Variants in ZNF124 observed in about 807,000 individuals in gnomAD.
ZNF124 encodes the protein zinc finger protein HZF-16.
In ZNF124, 25 loss-of-function variants were observed where a neutral mutation model predicts 26.6. The observed-to-expected ratio is 0.94, with a 90% CI of 0.68 to 1.31. The LOEUF (loss-of-function observed/expected upper bound fraction) is 1.31. Among genes scored for constraint, ZNF124 ranks in the 40% most tolerant of loss-of-function variants. ZNF124 has a pLI of 0.00. For synonymous variants in ZNF124, 129 were observed against 133.3 expected (o/e 0.97, Z 0.22); for missense variants, 444 against 422.2 (o/e 1.05, Z -0.45).
At chr1:247,133,588 AC>A (rs1256064764) in intron 3 of ZNF124, among the ~76,000 whole-genome samples, 1 of 152,128 alleles carries the variant, frequency 6.6e-6, no homozygotes, top group Non-Finnish European at 1.5e-5. Flanking sequence ...CTAACGGTAG[AC>A]ATCTCAGCAG....
intron 3 of ZNF124, among the ~76,000 whole-genome samples, chr1:247,147,446 C>T (rs1236303915): frequency 1.3e-5 from 2 of 151,352 alleles, no homozygotes; most frequent in Admixed American, 6.6e-5. Flanking sequence ...AGGCTGGTCT[C>T]GAACTCCTGA....
At chr1:247,128,152 G>T (rs1355033119) in intron 3 of ZNF124, among the ~76,000 whole-genome samples, 1 of 152,200 alleles carries the variant, frequency 6.6e-6, no homozygotes, top group Non-Finnish European at 1.5e-5. Context: ...ACCAGATGCA[G>T]TATTGTAATT....
At chr1:247,158,586 C>CTT (rs950981965) in intron 3 of ZNF124, among the ~76,000 whole-genome samples, 7 of 151,712 alleles carry the variant, frequency 4.6e-5, no homozygotes, top group African/African-American at 9.7e-5. Context: ...TTGGTAAAAA[C>CTT]TTTGAGAATA....
chr1:247,128,559 G>A (rs1464350631), intron 3 of ZNF124, among the ~76,000 whole-genome samples: 1 of 149,960 alleles, frequency 6.7e-6, no homozygotes, highest in African/African-American at 2.5e-5. Flanking sequence ...GGGACCGAGA[G>A]GAGTCTCCTG....
At chr1:247,169,268 C>A (rs1673957367) in intron 1 of ZNF124, among the ~76,000 whole-genome samples, 1 of 152,110 alleles carries the variant, frequency 6.6e-6, no homozygotes, top group African/African-American at 2.4e-5. Flanking sequence ...GCAGGAGATT[C>A]CCTGGTCCCC....
At chr1:247,122,234 G>A (rs1396352553) in exon 4 of ZNF124, 1 of 152,182 alleles carries the variant, frequency 6.6e-6, no homozygotes, top group African/African-American at 2.4e-5. Flanking sequence ...CATACAATGT[G>A]TTAGTCATTA....
intron 3 of ZNF124, among the ~76,000 whole-genome samples, chr1:247,141,817 G>A (rs144966471): frequency 2.2e-4 from 34 of 152,348 alleles, no homozygotes; most frequent in Admixed American, 5.9e-4. Context: ...GAGACCACCT[G>A]CTGCCAGTTC....
rs550995743 is a variant in ZNF124 at position 247,124,208 on chromosome 1, CT to C, written c.219-338del. On this transcript the variant is annotated intron_variant, in intron 3 of 3. Coordinates refer to the ZNF124 transcript ENST00000472531. The stretch of plus-strand genomic sequence containing the variant: ...CCATTTAAAATGAATGATTTTGTGG[CT>C]TTTTTTTTTTTTGAGACAGAGTCTC... Among the ~76,000 whole-genome samples the C allele has an allele frequency of 2.8e-3, 395 of 141,836 alleles. 2 individuals are homozygous for C. The highest frequency in any genetic ancestry group is 9.7e-3 in the Admixed American group (137 of 14,166). 93.0% of individuals were successfully genotyped at this position (141,836 alleles called of 152,430 possible). A position where few individuals can be genotyped will look rare whatever the true frequency, so the allele number is the denominator to read the frequency against.
intron 3 of ZNF124, among the ~76,000 whole-genome samples, chr1:247,125,032 G>A (rs1223030777): frequency 6.6e-6 from 1 of 151,470 alleles, no homozygotes; most frequent in Non-Finnish European, 1.5e-5. Context: ...GCAACTCCTG[G>A]GCTCAAGTGA....
At chr1:247,163,810 A>G (rs1432561585) in intron 1 of ZNF124, among the ~76,000 whole-genome samples, 1 of 152,098 alleles carries the variant, frequency 6.6e-6, no homozygotes, top group Non-Finnish European at 1.5e-5. Context: ...TGGCAGGCAT[A>G]CAACACATGG....
intron 1 of ZNF124, 37 bp from the exon 2 acceptor site, chr1:247,159,850 A>G: frequency 4.4e-6 from 7 of 1,578,224 alleles, no homozygotes; most frequent in Non-Finnish European, 6.0e-6. Context: ...GATGGATGAG[A>G]CTGAAAGCAC....
chr1:247,135,993 ACT>A (rs1310788406), intron 3 of ZNF124, among the ~76,000 whole-genome samples: 2 of 152,294 alleles, frequency 1.3e-5, no homozygotes, highest in African/African-American at 4.8e-5. Context: ...CATGTTAAAA[ACT>A]CTCAATCAAC....
At position 247,137,487 on chromosome 1, in the gene ZNF124, CA is replaced by C. The variant is rs56926662; in HGVS notation, c.219-13617del. 4.7e-3 allele frequency among the ~76,000 whole-genome samples: 382 copies of C among 81,604 alleles called. 2 individuals carry two copies. Among genetic ancestry groups the C allele is most frequent in the African/African-American group, 8.7e-3 (196 of 22,630 alleles). 53.5% of individuals were successfully genotyped at this position (81,604 alleles called of 152,430 possible). On this transcript the variant is annotated intron_variant, in intron 3 of 3. Coordinates refer to the ZNF124 transcript ENST00000472531. Reference sequence around the variant, plus strand: ...CGAAACCCTGTCTCTACTAAAAATACAAAAAAAAAAAAAAAAAAAAAAAGAA... The same window carrying C: ...CGAAACCCTGTCTCTACTAAAAATACAAAAAAAAAAAAAAAAAAAAAAGAA...
chr1:247,166,861 AT>A (rs1673807546), intron 1 of ZNF124, among the ~76,000 whole-genome samples: 1 of 152,204 alleles, frequency 6.6e-6, no homozygotes, highest in Non-Finnish European at 1.5e-5. Flanking sequence ...AACAAACCAT[AT>A]TTAGCATCAT....
At chr1:247,141,127 G>A (rs1027346207) in intron 3 of ZNF124, among the ~76,000 whole-genome samples, 5 of 151,838 alleles carry the variant, frequency 3.3e-5, no homozygotes, top group Non-Finnish European at 7.4e-5. Flanking sequence ...TCTGTGCTGT[G>A]GGACCAAGCC....
chr1:247,159,489 G>A (rs1206915671), intron 2 of ZNF124, among the ~76,000 whole-genome samples, 198 bp downstream of exon 2: 1 of 152,088 alleles, frequency 6.6e-6, no homozygotes, highest in Non-Finnish European at 1.5e-5. Context: ...AACTATTTTT[G>A]TAAATTACCC....
chr1:247,132,748 G>A (rs1672398934), intron 3 of ZNF124, among the ~76,000 whole-genome samples: 1 of 152,140 alleles, frequency 6.6e-6, no homozygotes, highest in South Asian at 2.1e-4. Flanking sequence ...GCATAGAAAA[G>A]CACTGTGAAA....
At position 247,157,137 on chromosome 1, in the gene ZNF124, G is replaced by T; in HGVS notation, c.485C>A (p.Ser162Tyr). Reference sequence around the variant, plus strand: ...CCTTTTATGTCTATTAAGAGAACGGGAAAAACCTAAGGCTTTCCCACATTC... The same window carrying T: ...CCTTTTATGTCTATTAAGAGAACGGTAAAAACCTAAGGCTTTCCCACATTC... Reference protein sequence around the residue: ...CMECGKALGFSRSLNRHKRIH... With the variant: ...CMECGKALGFYRSLNRHKRIH... Residue 162 changes from serine (S) to tyrosine (Y), a missense_variant, in exon 4 of 4, where the codon TCC becomes TAC. Ser to Tyr is a moderately radical substitution (Grantham distance 144). Coordinates refer to ENST00000543802, the MANE Select transcript of ZNF124 (RefSeq NM_001297568.2). 2 of 1,613,926 alleles carry T rather than the reference G, an allele frequency of 1.2e-6. No individual in the cohort carries two copies. The highest frequency in any genetic ancestry group is 1.7e-6 in the Non-Finnish European group (2 of 1,179,962).
chr1:247,148,939 C>CA (rs1480576839), intron 3 of ZNF124, among the ~76,000 whole-genome samples: 6 of 151,544 alleles, frequency 4.0e-5, no homozygotes, highest in Non-Finnish European at 8.8e-5. Flanking sequence ...CACTGCACTC[C>CA]AGCCTGGGTG....
Sources: gnomAD v4.1 joint callset for allele counts (sites outside exome capture counted in the v4.1 genomes callset) on GRCh38, gnomAD v4.1.1 for gene constraint, MANE v1.5 for transcripts, NCBI Gene and HGNC (gene_info 2026-07-23, HGNC 2026-07-21) for gene names.